The following RBFOX3 variants were observed in gnomAD, a reference collection of about 807,000 sequenced individuals.
The protein encoded by RBFOX3 is RNA binding fox-1 homolog 3.
A neutral mutation model predicts 48.7 loss-of-function variants in RBFOX3; 17 were observed. The ratio of observed to expected loss-of-function variants is 0.35; its 90% CI spans 0.24 to 0.52. The LOEUF (loss-of-function observed/expected upper bound fraction) is 0.52. RBFOX3 is among the 20% of genes least tolerant of loss of function. The pLI, the probability that RBFOX3 is intolerant of heterozygous loss-of-function variation, is 0.94. For missense variants in RBFOX3, 382 were observed against 497.5 expected (o/e 0.77, Z 2.21); for synonymous variants, 212 against 209.5 (o/e 1.01, Z -0.10).
intron 3 of RBFOX3, among the ~76,000 whole-genome samples, chr17:79,263,924 G>A (rs545527248): frequency 1.2e-4 from 18 of 152,090 alleles, no homozygotes; most frequent in East Asian, 3.9e-4. Context: ...ATCGAATAGC[G>A]GTTGCCTTTA....
chr17:79,540,644 G>T (rs182191014), intron 1 of RBFOX3, among the ~76,000 whole-genome samples: 8 of 152,210 alleles, frequency 5.3e-5, no homozygotes, highest in African/African-American at 1.7e-4. Flanking sequence ...TTCACATACC[G>T]CCGTGGTGCA....
intron 1 of RBFOX3, among the ~76,000 whole-genome samples, chr17:79,521,502 A>G (rs2086093995): frequency 6.6e-6 from 1 of 151,234 alleles, no homozygotes; most frequent in Non-Finnish European, 1.5e-5. Flanking sequence ...ACACGCAGAT[A>G]TATACTCACA....
At chr17:79,640,894 G>A in the RBFOX3 span, among the ~76,000 whole-genome samples, 2 of 152,080 alleles carry the variant, frequency 1.3e-5, no homozygotes, top group Non-Finnish European at 2.9e-5. Flanking sequence ...CATTGGTCTG[G>A]CCAATGATTT....
At chr17:79,620,385 GCA>G in the RBFOX3 span, among the ~76,000 whole-genome samples, 1 of 136,842 alleles carries the variant, frequency 7.3e-6, no homozygotes, top group African/African-American at 2.8e-5. Flanking sequence ...ACACACACAT[GCA>G]CACATGCCCA....
rs926494293 is a variant in RBFOX3, at chr17:79,503,607, G to T, written c.-319-21009C>A. Among the ~76,000 whole-genome samples the T allele has an allele frequency of 2.8e-3, 429 of 152,306 alleles. 10 individuals carry two copies. The South Asian group carries it at 0.045, about 16-fold the overall frequency. On this transcript the variant is annotated intron_variant, in intron 1 of 14. Transcript: ENST00000693108. The stretch of plus-strand genomic sequence containing the variant: ...CTCCACCCAAACTCCCACATCTCCA[G>T]CTCCACGGCTGCGTGTGGCTCGGGG...
chr17:79,339,952 T>C (rs1214599933), intron 2 of RBFOX3, among the ~76,000 whole-genome samples: 1 of 152,206 alleles, frequency 6.6e-6, no homozygotes, highest in African/African-American at 2.4e-5. Flanking sequence ...GTCCTGCTGA[T>C]GCCCCCTGTT....
intron 2 of RBFOX3, among the ~76,000 whole-genome samples, chr17:79,445,062 G>A (rs2071953964): frequency 6.6e-6 from 1 of 152,102 alleles, no homozygotes; most frequent in Non-Finnish European, 1.5e-5. Context: ...GTTCATGTGT[G>A]TTGGAGCCTG....
intron 2 of RBFOX3, among the ~76,000 whole-genome samples, chr17:79,369,684 T>A (rs2058262852): frequency 6.6e-6 from 1 of 152,122 alleles, no homozygotes; most frequent in Non-Finnish European, 1.5e-5. Flanking sequence ...CTCCAGGTGA[T>A]TCTTCACTGC....
chr17:79,222,331 C>T (rs982444121), intron 4 of RBFOX3, among the ~76,000 whole-genome samples: 4 of 152,214 alleles, frequency 2.6e-5, no homozygotes, highest in African/African-American at 9.7e-5. Context: ...CTAAACCAAA[C>T]ATTTCCCAGC....
intron 2 of RBFOX3, among the ~76,000 whole-genome samples, chr17:79,440,171 C>T (rs1166948501): frequency 2.0e-5 from 3 of 152,272 alleles, no homozygotes; most frequent in East Asian, 1.9e-4. Context: ...GAGATAAAGC[C>T]GTGTCTAATT....
intron 1 of RBFOX3, among the ~76,000 whole-genome samples, chr17:79,491,632 C>G (rs1598921163): frequency 6.6e-6 from 1 of 152,040 alleles, no homozygotes; most frequent in African/African-American, 2.4e-5. Context: ...AATAGGGGGC[C>G]AGTTTGTGAT....
At position 79,358,362 on chromosome 17, in the gene RBFOX3, AC is replaced by A. The variant is rs2085621546; in HGVS notation, c.-174-50539del. On this transcript the variant is annotated intron_variant, in intron 2 of 14. Coordinates refer to ENST00000693108, the MANE Select transcript of RBFOX3 (RefSeq NM_001350451.2). ...GCGAGGATGCTCACGCCGTGGGGAG[AC>A]CCCACCATCGGCACACTGCCCTCCC... Among the ~76,000 whole-genome samples, 3 of 152,144 alleles carry A rather than the reference AC, an allele frequency of 2.0e-5. No homozygotes were observed. In the South Asian group the frequency reaches 6.3e-4, roughly 32 times the overall value.
chr17:79,426,178 T>C (rs1219924811), intron 2 of RBFOX3, among the ~76,000 whole-genome samples: 29 of 152,050 alleles, frequency 1.9e-4, no homozygotes, highest in Admixed American at 1.6e-3. Context: ...GGCTGGGGTG[T>C]GAGGACTTTC....
chr17:79,449,119 G>C (rs1487197000), intron 2 of RBFOX3, among the ~76,000 whole-genome samples: 4 of 152,140 alleles, frequency 2.6e-5, no homozygotes, highest in African/African-American at 9.7e-5. Flanking sequence ...CCTTACCACA[G>C]AGAGGAGAGG....
intron 3 of RBFOX3, among the ~76,000 whole-genome samples, chr17:79,270,601 G>A (rs927070941): frequency 2.6e-5 from 4 of 152,212 alleles, no homozygotes; most frequent in African/African-American, 7.2e-5. Context: ...ATGCAATGGT[G>A]CCAGGCCAGG....
chr17:79,614,418 G>A (rs2093986334), upstream of RBFOX3, among the ~76,000 whole-genome samples: 1 of 152,206 alleles, frequency 6.6e-6, no homozygotes. Context: ...TGAAGATAGA[G>A]CTTTGCTGCT....
At chr17:79,486,585 T>C (rs1362250723) in intron 1 of RBFOX3, among the ~76,000 whole-genome samples, 1 of 152,298 alleles carries the variant, frequency 6.6e-6, no homozygotes, top group Non-Finnish European at 1.5e-5. Flanking sequence ...TCCTGGACCC[T>C]ACCCTCCACC....
intron 2 of RBFOX3, among the ~76,000 whole-genome samples, chr17:79,343,449 C>T (rs539226083): frequency 3.6e-4 from 55 of 152,096 alleles, no homozygotes; most frequent in Admixed American, 1.9e-3. Flanking sequence ...TTTGGGAGAT[C>T]GAGGTTGCAG....
intron 2 of RBFOX3, among the ~76,000 whole-genome samples, chr17:79,406,869 C>T (rs1442006329): frequency 6.6e-6 from 1 of 152,188 alleles, no homozygotes; most frequent in East Asian, 1.9e-4. Flanking sequence ...CAAAGAAATA[C>T]CCGAAGCTGG....
Sources: gnomAD v4.1 joint callset for allele counts (sites outside exome capture counted in the v4.1 genomes callset) on GRCh38, gnomAD v4.1.1 for gene constraint, MANE v1.5 for transcripts, NCBI Gene and HGNC (gene_info 2026-07-23, HGNC 2026-07-21) for gene names.